COX10: variants seen among roughly 807,000 people sequenced by gnomAD.
The protein encoded by COX10 is protoheme IX farnesyltransferase, mitochondrial.
COX10 carries 27 observed loss-of-function variants against 37.3 expected under a neutral mutation model. The ratio of observed to expected loss-of-function variants is 0.72; its 90% CI spans 0.53 to 1.00. COX10 has a LOEUF of 1.00. Among genes scored for constraint, COX10 ranks in the 50% least tolerant of loss-of-function variants. The pLI, the probability that COX10 is intolerant of heterozygous loss-of-function variation, is 0.00. For missense variants in COX10, 475 were observed against 563.2 expected (o/e 0.84, Z 1.59); for synonymous variants, 222 against 229.1 (o/e 0.97, Z 0.28).
intron 4 of COX10, among the ~76,000 whole-genome samples, chr17:14,111,507 G>C (rs913770505): frequency 6.6e-6 from 1 of 152,056 alleles, no homozygotes; most frequent in Non-Finnish European, 1.5e-5. Context: ...AAAATACTAA[G>C]TTAAAGTACA....
chr17:14,115,510 T>C lies in COX10; in HGVS notation c.624+13268T>C, dbSNP rs147106906. ...CTAAAAATAGAAAACTATCATTTGA[T>C]CCAGCAATCCCACTACTGGGTATCT... On this transcript the variant is annotated intron_variant, in intron 4 of 6. Transcript: ENST00000261643. 2.1e-3 allele frequency among the ~76,000 whole-genome samples: 314 copies of C among 152,216 alleles called. 2 individuals carry two copies. The highest frequency in any genetic ancestry group is 0.01 in the Middle Eastern group (3 of 294).
At chr17:14,201,957 A>G (rs1906553335) in intron 6 of COX10, among the ~76,000 whole-genome samples, 1 of 152,194 alleles carries the variant, frequency 6.6e-6, no homozygotes, top group Non-Finnish European at 1.5e-5. Context: ...GTCTACTTGC[A>G]TCACCCTGTT....
intron 4 of COX10, among the ~76,000 whole-genome samples, chr17:14,116,069 CA>C (rs1243082945): frequency 6.6e-6 from 1 of 152,034 alleles, no homozygotes; most frequent in Non-Finnish European, 1.5e-5. Flanking sequence ...AAGTTAATGG[CA>C]ATGTAAAAGT....
Position 14,101,653 on chromosome 17 carries a change from C to T in COX10, c.500-465C>T, listed in dbSNP as rs533527014. ...CCATCATCTCTTATAGGCAAGACCA[C>T]TCCTAGGCTTGTCTGCAGTTTGTCA... On this transcript the variant is annotated intron_variant, in intron 3 of 6. Transcript: ENST00000261643. Among the ~76,000 whole-genome samples, 12 of 152,300 alleles carry T rather than the reference C, an allele frequency of 7.9e-5. No individual in the cohort carries two copies. In the South Asian group the frequency reaches 2.5e-3, roughly 32 times the overall value.
intron 4 of COX10, among the ~76,000 whole-genome samples, chr17:14,136,742 A>G (rs1904384910): frequency 6.6e-6 from 1 of 152,080 alleles, no homozygotes; most frequent in Non-Finnish European, 1.5e-5. Context: ...TGAAGATGAC[A>G]AAGATGGACA....
chr17:14,134,066 T>C (rs1916524711), intron 4 of COX10, among the ~76,000 whole-genome samples: 1 of 151,858 alleles, frequency 6.6e-6, no homozygotes, highest in African/African-American at 2.4e-5. Flanking sequence ...TTCCTTTTCA[T>C]ACTGTAAATG....
chr17:14,143,688 G>A (rs1904616610), intron 4 of COX10, among the ~76,000 whole-genome samples: 1 of 152,124 alleles, frequency 6.6e-6, no homozygotes, highest in Admixed American at 6.6e-5. Context: ...ATCTTTCAGG[G>A]TGTTATTGAA....
At chr17:14,184,536 T>C (rs1450900772) in intron 5 of COX10, among the ~76,000 whole-genome samples, 1 of 152,260 alleles carries the variant, frequency 6.6e-6, no homozygotes, top group Non-Finnish European at 1.5e-5. Context: ...TTACCACACT[T>C]GCTCCATCTT....
At chr17:14,180,738 A>G (rs896793141) in intron 5 of COX10, among the ~76,000 whole-genome samples, 10 of 152,286 alleles carry the variant, frequency 6.6e-5, no homozygotes, top group African/African-American at 2.2e-4. Context: ...TTTTACTAAT[A>G]ATCTAGGGTC....
intron 1 of COX10, among the ~76,000 whole-genome samples, chr17:14,071,621 C>A (rs929647805): frequency 6.6e-6 from 1 of 151,672 alleles, no homozygotes; most frequent in African/African-American, 2.4e-5. Flanking sequence ...CAGTAGCTTA[C>A]ACCTGTAATC....
chr17:14,175,549 T>C (rs1013617914), intron 5 of COX10, among the ~76,000 whole-genome samples: 1 of 151,786 alleles, frequency 6.6e-6, no homozygotes, highest in Non-Finnish European at 1.5e-5. Flanking sequence ...GTTACTACTT[T>C]TTTCAGAATT....
At chr17:14,195,924 T>C (rs555692211) in intron 6 of COX10, among the ~76,000 whole-genome samples, 7 of 152,260 alleles carry the variant, frequency 4.6e-5, no homozygotes, top group East Asian at 1.9e-4. Flanking sequence ...GATTAGGACA[T>C]AGGCAGATGG....
rs1238680959 is a variant in COX10, at chr17:14,069,641, C to G, written c.36C>G (p.Leu12=). Residue 12 remains leucine (L), a synonymous_variant, in exon 1 of 7, where the codon CTC becomes CTG. Coordinates refer to ENST00000261643, the MANE Select transcript of COX10 (RefSeq NM_001303.4). The stretch of plus-strand genomic sequence containing the variant: ...CTCCGCACACTCTCTCCTCACGCCT[C>G]CTGACAGGTACTGTACCCGCCTTGG... ...AASPHTLSSR[L]LTGCVGGSVW... 3 of 1,613,996 alleles carry G rather than the reference C, an allele frequency of 1.9e-6. No homozygotes were observed. Among genetic ancestry groups the G allele is most frequent in the Non-Finnish European group, 8.5e-7 (1 of 1,180,002 alleles).
At chr17:14,070,127 C>T (rs1309389397) in intron 1 of COX10, among the ~76,000 whole-genome samples, 2 of 152,124 alleles carry the variant, frequency 1.3e-5, no homozygotes, top group Admixed American at 6.5e-5. Context: ...CCCCATCAGA[C>T]TTTTGTCTCT....
At chr17:14,199,219 G>C (rs550419792) in intron 6 of COX10, among the ~76,000 whole-genome samples, 44 of 152,326 alleles carry the variant, frequency 2.9e-4, no homozygotes, top group African/African-American at 1.1e-3. Context: ...CAAGCTTTTA[G>C]GGAGCTGGGC....
intron 1 of COX10, among the ~76,000 whole-genome samples, chr17:14,069,945 C>T (rs1435331815): frequency 1.3e-5 from 2 of 152,124 alleles, no homozygotes; most frequent in Non-Finnish European, 2.9e-5. Context: ...GAGGAGAGGG[C>T]AGAGCAGAAC....
In COX10 at chr17:14,090,085, T is replaced by G. The variant is rs551012642; in HGVS notation, c.500-12033T>G. Among the ~76,000 whole-genome samples, 7 of 152,140 alleles carry G rather than the reference T, an allele frequency of 4.6e-5. No homozygotes were observed. The South Asian group carries it at 1.5e-3, about 32-fold the overall frequency. On this transcript the variant is annotated intron_variant, in intron 3 of 6. Coordinates refer to ENST00000261643, the MANE Select transcript of COX10 (RefSeq NM_001303.4). ...CCTTCAGTGGGTGGCACTTTCAGCCTGACACCTGGGGTCCTCTTAGATTCT... is the reference window on the plus strand; with the variant it reads ...CCTTCAGTGGGTGGCACTTTCAGCCGGACACCTGGGGTCCTCTTAGATTCT...
chr17:14,153,511 C>T (rs1339368796), intron 4 of COX10, among the ~76,000 whole-genome samples: 1 of 152,166 alleles, frequency 6.6e-6, no homozygotes, highest in African/African-American at 2.4e-5. Context: ...CTCATTTCTG[C>T]AACTGATCAC....
Position 14,146,077 on chromosome 17 carries a change from A to G in COX10, c.625-13800A>G, listed in dbSNP as rs114850261. Among the ~76,000 whole-genome samples the G allele has an allele frequency of 6.7e-3, 1,016 of 152,228 alleles. 10 individuals carry two copies. Among genetic ancestry groups the G allele is most frequent in the African/African-American group, 0.023 (960 of 41,552 alleles). On this transcript the variant is annotated intron_variant, in intron 4 of 6. Coordinates refer to ENST00000261643, the MANE Select transcript of COX10 (RefSeq NM_001303.4). ...TCTTTTTTTCCTGACTAGAAAATAC[A>G]TGGTCTTATGACATTCTTCATAGAA...
Sources: allele counts gnomAD v4.1 joint callset (sites outside exome capture counted in the v4.1 genomes callset), GRCh38; gene constraint gnomAD v4.1.1; transcripts MANE v1.5; gene names NCBI Gene and HGNC (gene_info 2026-07-23, HGNC 2026-07-21).